The following TMTC2 variants were observed in gnomAD, a reference collection of about 807,000 sequenced individuals.
The protein encoded by TMTC2 is transmembrane O-mannosyltransferase targeting cadherins 2.
A neutral mutation model predicts 82.4 loss-of-function variants in TMTC2; 43 were observed. The observed-to-expected ratio is 0.52, with a 90% confidence interval of 0.41 to 0.67. The LOEUF is 0.67. Among genes scored for constraint, TMTC2 ranks in the 30% least tolerant of loss-of-function variants. The pLI is 0.00. For missense variants in TMTC2, 919 were observed against 1,012.4 expected (o/e 0.91, Z 1.25); for synonymous variants, 408 against 381.9 (o/e 1.07, Z -0.80).
intron 2 of TMTC2, among the ~76,000 whole-genome samples, chr12:82,891,043 G>A (rs1873368733): frequency 6.6e-6 from 1 of 152,032 alleles, no homozygotes. Flanking sequence ...CAAGTGTTAG[G>A]TCAGTTTGTT....
chr12:83,027,565 T>G (rs999495711), intron 8 of TMTC2, among the ~76,000 whole-genome samples: 8 of 152,194 alleles, frequency 5.3e-5, no homozygotes, highest in African/African-American at 1.9e-4. Context: ...AGTTGATGTT[T>G]CCAAGAACCG....
At chr12:82,787,737 C>T (rs1256454611) in intron 1 of TMTC2, among the ~76,000 whole-genome samples, 3 of 151,976 alleles carry the variant, frequency 2.0e-5, no homozygotes, top group Non-Finnish European at 4.4e-5. Flanking sequence ...GGCAAAACCC[C>T]GTCTTTACTA....
intron 1 of TMTC2, among the ~76,000 whole-genome samples, chr12:82,732,374 G>A (rs1294949353): frequency 6.6e-6 from 1 of 151,026 alleles, no homozygotes; most frequent in African/African-American, 2.4e-5. Context: ...ACGGATTCTT[G>A]TCCTGTCGCC....
intron 2 of TMTC2, among the ~76,000 whole-genome samples, chr12:82,858,954 G>A (rs887106678): frequency 6.6e-6 from 1 of 152,148 alleles, no homozygotes; most frequent in Non-Finnish European, 1.5e-5. Context: ...AGTACAACTA[G>A]GAGAAGTGTA....
At chr12:82,998,892 AT>A (rs2137363248) in intron 8 of TMTC2, among the ~76,000 whole-genome samples, 1 of 152,178 alleles carries the variant, frequency 6.6e-6, no homozygotes, top group East Asian at 1.9e-4. Context: ...AATGCAATTA[AT>A]TTTTAATAAA....
intron 11 of TMTC2, among the ~76,000 whole-genome samples, chr12:83,123,323 A>C (rs897263291): frequency 2.0e-5 from 3 of 152,222 alleles, no homozygotes; most frequent in African/African-American, 7.2e-5. Flanking sequence ...TCAAAAGCAC[A>C]AATACTGTGT....
intron 8 of TMTC2, 117 bp from the exon 9 acceptor site, chr12:83,030,681 T>G: frequency 1.3e-6 from 1 of 746,594 alleles, no homozygotes. Context: ...CAAAAATTTT[T>G]TTTTTCCTTT....
At chr12:82,874,141 T>A (rs1372211678) in intron 2 of TMTC2, among the ~76,000 whole-genome samples, 2 of 152,194 alleles carry the variant, frequency 1.3e-5, no homozygotes, top group African/African-American at 4.8e-5. Flanking sequence ...CTGAAAAATG[T>A]TAGACATTTG....
At chr12:82,990,298 TATTG>T (rs1442837804) in intron 8 of TMTC2, among the ~76,000 whole-genome samples, 3 of 152,178 alleles carry the variant, frequency 2.0e-5, no homozygotes, top group East Asian at 3.9e-4. Flanking sequence ...ATTAGAAAAA[TATTG>T]ATTATTAGTA....
chr12:82,954,069 T>A (rs2137283900), intron 4 of TMTC2, among the ~76,000 whole-genome samples: 1 of 152,190 alleles, frequency 6.6e-6, no homozygotes, highest in South Asian at 2.1e-4. Flanking sequence ...AACTCATTCT[T>A]GGTAATATAG....
chr12:83,070,440 T>A (rs1883069553), intron 11 of TMTC2, among the ~76,000 whole-genome samples: 1 of 152,148 alleles, frequency 6.6e-6, no homozygotes, highest in Non-Finnish European at 1.5e-5. Flanking sequence ...TTATTATTTT[T>A]TTTTTTGCAG....
At chr12:83,044,859 T>TA (rs1157716140) in intron 9 of TMTC2, among the ~76,000 whole-genome samples, 3 of 152,234 alleles carry the variant, frequency 2.0e-5, no homozygotes, top group Non-Finnish European at 2.9e-5. Context: ...AATATTTTAG[T>TA]AAAAAATGCC....
intron 1 of TMTC2, among the ~76,000 whole-genome samples, chr12:82,728,676 G>A (rs1298344181): frequency 6.6e-6 from 1 of 152,238 alleles, no homozygotes; most frequent in African/African-American, 2.4e-5. Context: ...GGTCACGCTT[G>A]AGGAGCCCTT....
chr12:82,900,589 G>T (rs1373454262), intron 3 of TMTC2, among the ~76,000 whole-genome samples: 1 of 139,930 alleles, frequency 7.1e-6, no homozygotes, highest in South Asian at 2.3e-4. Flanking sequence ...CCGGAATATA[G>T]ATATGTAGGA....
intron 10 of TMTC2, among the ~76,000 whole-genome samples, chr12:83,061,425 T>C (rs1411752649): frequency 6.6e-6 from 1 of 151,744 alleles, no homozygotes; most frequent in East Asian, 1.9e-4. Flanking sequence ...ATTTTTAAAA[T>C]TGAGATTTTT....
rs139634148 is a variant in TMTC2 at position 82,703,769 on chromosome 12, G to T, written c.83+16100G>T. The stretch of plus-strand genomic sequence containing the variant: ...CCCAAAGTGCTGGGATTACAGGCGT[G>T]AGCCACCGTGCCCGGCCAAAGATAG... On this transcript the variant is annotated intron_variant, in intron 1 of 11. Coordinates refer to ENST00000321196, the MANE Select transcript of TMTC2 (RefSeq NM_152588.3). 2.1e-3 allele frequency among the ~76,000 whole-genome samples: 316 copies of T among 152,184 alleles called. 1 individual carries two copies. Among genetic ancestry groups the T allele is most frequent in the African/African-American group, 7.1e-3 (295 of 41,508 alleles).
At chr12:82,867,991 C>T (rs544552867) in intron 2 of TMTC2, among the ~76,000 whole-genome samples, 32 of 152,302 alleles carry the variant, frequency 2.1e-4, no homozygotes, top group African/African-American at 7.0e-4. Context: ...AATAGAAACT[C>T]GGTCATTTTC....
chr12:82,692,215 T>C (rs1010648273), intron 1 of TMTC2, among the ~76,000 whole-genome samples: 2 of 152,108 alleles, frequency 1.3e-5, no homozygotes, highest in East Asian at 1.9e-4. Context: ...CATACACACA[T>C]ACACACACAC....
At chr12:82,788,577 T>G (rs1878298627) in intron 1 of TMTC2, among the ~76,000 whole-genome samples, 1 of 152,244 alleles carries the variant, frequency 6.6e-6, no homozygotes, top group African/African-American at 2.4e-5. Flanking sequence ...TAAATTTGTT[T>G]AGTTACAATC....
Sources: allele counts gnomAD v4.1 joint callset (sites outside exome capture counted in the v4.1 genomes callset), GRCh38; gene constraint gnomAD v4.1.1; transcripts MANE v1.5; gene names NCBI Gene and HGNC (gene_info 2026-07-23, HGNC 2026-07-21).